EDIL3: variants seen among roughly 807,000 people sequenced by gnomAD.
EDIL3 encodes the protein EGF-like repeat and discoidin I-like domain-containing protein 3.
In EDIL3, 37 loss-of-function variants were observed where a neutral mutation model predicts 67.4. The observed-to-expected ratio is 0.55, with a 90% CI of 0.42 to 0.72. The LOEUF is 0.72. Among genes scored for constraint, EDIL3 ranks in the 30% least tolerant of loss-of-function variants. The pLI, the probability that EDIL3 is intolerant of heterozygous loss-of-function variation, is 0.00. For synonymous variants in EDIL3, 195 were observed against 196.3 expected, an observed-to-expected ratio of 0.99 and a Z score of 0.05; for missense variants, 527 against 586.3, an observed-to-expected ratio of 0.90 and a Z score of 1.04.
At chr5:84,061,298 C>T (rs1040221287) in intron 8 of EDIL3, among the ~76,000 whole-genome samples, 2 of 152,032 alleles carry the variant, frequency 1.3e-5, no homozygotes, top group South Asian at 2.1e-4. Context: ...TTTTGGCTTG[C>T]TTGTCCTTGA....
At chr5:84,218,681 G>A (rs1445078661) in intron 3 of EDIL3, among the ~76,000 whole-genome samples, 1 of 152,206 alleles carries the variant, frequency 6.6e-6, no homozygotes, top group Non-Finnish European at 1.5e-5. Flanking sequence ...GGAGACCGCT[G>A]CCCTGAAGGG....
At position 84,060,422 on chromosome 5, in the gene EDIL3, T is replaced by G; in HGVS notation, c.1015A>C (p.Ser339Arg). The stretch of plus-strand genomic sequence containing the variant: ...TCCATGTTGAGCGTTCTGAAGATGC[T>G]GGAGGCAGTGATCTGATAGTCTTGT... ...HIQDYQITAS[S>R]IFRTLNMDMF... The change falls in exon 9 of 11, where the codon AGC becomes CGC. Residue 339 changes from serine to arginine, a missense_variant. Physicochemically the swap from Ser to Arg is moderately radical, Grantham distance 110 (BLOSUM62 -1). Coordinates refer to ENST00000296591, the MANE Select transcript of EDIL3 (RefSeq NM_005711.5). 1 of 1,613,824 alleles carries G rather than the reference T, an allele frequency of 6.2e-7. No homozygotes were observed. The highest frequency in any genetic ancestry group is 8.5e-7 in the Non-Finnish European group (1 of 1,179,824).
chr5:84,043,185 T>C (rs1388531588), intron 9 of EDIL3, among the ~76,000 whole-genome samples: 3 of 152,222 alleles, frequency 2.0e-5, no homozygotes, highest in Non-Finnish European at 4.4e-5. Flanking sequence ...GTAAACTTCT[T>C]TGAGGAACTG....
At chr5:84,013,087 C>A (rs950681654) in intron 9 of EDIL3, among the ~76,000 whole-genome samples, 21 of 151,808 alleles carry the variant, frequency 1.4e-4, no homozygotes, top group African/African-American at 4.3e-4. Flanking sequence ...ACTTTCTAAG[C>A]TTTCAAACAA....
chr5:84,055,468 T>A lies in EDIL3; in HGVS notation c.1137+4832A>T, dbSNP rs1297341611. Among the ~76,000 whole-genome samples, 2 of 148,492 alleles carry A rather than the reference T, an allele frequency of 1.3e-5. 1 individual carries two copies. Among genetic ancestry groups the A allele is most frequent in the African/African-American group, 5.2e-5 (2 of 38,698 alleles). On this transcript the variant is annotated intron_variant, in intron 9 of 10. Coordinates refer to ENST00000296591, the MANE Select transcript of EDIL3 (RefSeq NM_005711.5). The stretch of plus-strand genomic sequence containing the variant: ...CCAAAATTGACAAATGGGATCTAAT[T>A]AAACTAAAGAGCTTCTGCACAGCAA...
Position 84,384,590 on chromosome 5 carries a change from G to A in EDIL3, c.-216C>T, listed in dbSNP as rs1278407740. The A allele has an allele frequency of 5.1e-6, 2 of 395,048 alleles. No homozygotes were observed. The highest frequency in any genetic ancestry group is 8.8e-6 in the Non-Finnish European group (2 of 226,480). The allele number at this position is 395,048 out of a possible 1,614,324, so 24.5% of individuals were successfully genotyped here. A position where few individuals can be genotyped will look rare whatever the true frequency, so the allele number is the denominator to read the frequency against. On this transcript the variant is annotated 5_prime_UTR_variant, in exon 1 of 11. Transcript: ENST00000296591. ...TTCCTCCCCTTTTGCCTGCGCTCCG[G>A]CGCGCGGAGGTGGGTGAGCTCCGGG... is the stretch of plus-strand genomic sequence containing the variant.
chr5:84,014,255 T>C (rs1745562732), intron 9 of EDIL3, among the ~76,000 whole-genome samples: 1 of 152,240 alleles, frequency 6.6e-6, no homozygotes, highest in Non-Finnish European at 1.5e-5. Flanking sequence ...CAGAAATTTA[T>C]ATCATTGTCA....
intron 9 of EDIL3, among the ~76,000 whole-genome samples, chr5:83,966,092 C>T (rs143256588): frequency 2.5e-4 from 38 of 152,158 alleles, no homozygotes; most frequent in Non-Finnish European, 5.0e-4. Flanking sequence ...GACCGCTCTG[C>T]CCTCTTGAAG....
At chr5:84,321,249 T>C (rs1353958010) in intron 1 of EDIL3, among the ~76,000 whole-genome samples, 1 of 152,188 alleles carries the variant, frequency 6.6e-6, no homozygotes, top group Non-Finnish European at 1.5e-5. Flanking sequence ...TTCTGTTATT[T>C]TGAAAATATC....
At chr5:84,295,439 C>A (rs2112123692) in intron 1 of EDIL3, among the ~76,000 whole-genome samples, 1 of 151,990 alleles carries the variant, frequency 6.6e-6, no homozygotes, top group Admixed American at 6.6e-5. Flanking sequence ...ATCATCATAA[C>A]AGTGGAGTAT....
At chr5:84,265,020 C>A (rs1033776263) in intron 1 of EDIL3, among the ~76,000 whole-genome samples, 3 of 152,128 alleles carry the variant, frequency 2.0e-5, no homozygotes, top group African/African-American at 7.2e-5. Context: ...AGTTGGTTAA[C>A]TTGATCACTT....
At chr5:84,182,270 T>TAC (rs71607704) in intron 3 of EDIL3, among the ~76,000 whole-genome samples, 14,913 of 141,858 alleles carry the variant, frequency 0.11, 816 homozygotes, top group Non-Finnish European at 0.13. Flanking sequence ...CTACAAAAAA[T>TAC]ACACACACAC....
chr5:84,120,857 C>T (rs1580336864), intron 5 of EDIL3, among the ~76,000 whole-genome samples: 1 of 151,808 alleles, frequency 6.6e-6, no homozygotes, highest in African/African-American at 2.4e-5. Context: ...GTTAGAAATA[C>T]TAAGCACTAA....
chr5:83,954,923 C>T (rs746665083), intron 10 of EDIL3, among the ~76,000 whole-genome samples: 2 of 151,776 alleles, frequency 1.3e-5, no homozygotes, highest in Non-Finnish European at 2.9e-5. Context: ...TGAATGATAA[C>T]ATCACTGAAT....
At position 84,197,531 on chromosome 5, in the gene EDIL3, C is replaced by T. The variant is rs112828988; in HGVS notation, c.227-17010G>A. The stretch of plus-strand genomic sequence containing the variant: ...AAAATTAGCAGTGCGTGGTGGCACG[C>T]GCCTGTATTCCCAGTTACTTGGGAG... On this transcript the variant is annotated intron_variant, in intron 3 of 10. Transcript: ENST00000296591. Among the ~76,000 whole-genome samples, 192 of 151,850 alleles carry T rather than the reference C, an allele frequency of 1.3e-3. 1 individual carries two copies. The highest frequency in any genetic ancestry group is 4.4e-3 in the African/African-American group (182 of 41,428).
At chr5:84,341,808 A>G (rs1747122657) in intron 1 of EDIL3, among the ~76,000 whole-genome samples, 1 of 152,074 alleles carries the variant, frequency 6.6e-6, no homozygotes, top group East Asian at 1.9e-4. Flanking sequence ...AAACCCAACT[A>G]TCTAAATATA....
chr5:84,029,897 T>C (rs146127577), intron 9 of EDIL3, among the ~76,000 whole-genome samples: 8 of 152,320 alleles, frequency 5.3e-5, no homozygotes, highest in Non-Finnish European at 1.2e-4. Context: ...AATGATACCA[T>C]ATTCTATTTC....
At chr5:84,082,129 T>C (rs10462408) in intron 6 of EDIL3, among the ~76,000 whole-genome samples, 52,808 of 152,146 alleles carry the variant, frequency 0.35, 9,420 homozygotes, top group East Asian at 0.46. Context: ...TAATCCAGTA[T>C]ATTATTTGCA....
At position 84,106,846 on chromosome 5, in the gene EDIL3, G is replaced by A. The variant is rs754657824; in HGVS notation, c.470-16C>T. ...CCTGAGCATTCTGGAAACAAAAACAGGAAAAAATATGAATGTATTAGAAAC... is the reference window on the plus strand; with the variant it reads ...CCTGAGCATTCTGGAAACAAAAACAAGAAAAAATATGAATGTATTAGAAAC... On this transcript the variant is annotated splice_polypyrimidine_tract_variant and intron_variant, in intron 5 of 10. Coordinates refer to ENST00000296591, the MANE Select transcript of EDIL3 (RefSeq NM_005711.5). The A allele has an allele frequency of 5.7e-6, 9 of 1,581,048 alleles. No individual in the cohort carries two copies. Among genetic ancestry groups the A allele is most frequent in the Admixed American group, 3.9e-5 (2 of 51,846 alleles).
Sources: allele counts gnomAD v4.1 joint callset (sites outside exome capture counted in the v4.1 genomes callset), GRCh38; gene constraint gnomAD v4.1.1; transcripts MANE v1.5; gene names NCBI Gene and HGNC (gene_info 2026-07-23, HGNC 2026-07-21).